Variants in PPP1R9A observed in about 807,000 individuals in gnomAD.
PPP1R9A encodes neurabin-1.
In PPP1R9A, 59 loss-of-function variants were observed where a neutral mutation model predicts 141.9. The observed-to-expected ratio is 0.42, with a 90% CI of 0.34 to 0.52. The LOEUF is 0.52. PPP1R9A is among the 20% of genes least tolerant of loss of function. The probability of loss-of-function intolerance (pLI) is 0.10; values close to 1 mark genes in which losing one functional copy is unlikely to be tolerated. For missense variants in PPP1R9A, 1,444 were observed against 1,611.9 expected, an observed-to-expected ratio of 0.90 and a Z score of 1.78; for synonymous variants, 500 against 569.7, an observed-to-expected ratio of 0.88 and a Z score of 1.74.
At chr7:95,236,134 A>G (rs1272865812) in intron 8 of PPP1R9A, among the ~76,000 whole-genome samples, 1 of 152,148 alleles carries the variant, frequency 6.6e-6, no homozygotes, top group Non-Finnish European at 1.5e-5. Context: ...CCAAAAACCT[A>G]TTATAACAAC....
At chr7:94,922,364 G>T (rs1304067386) in intron 2 of PPP1R9A, among the ~76,000 whole-genome samples, 2 of 151,910 alleles carry the variant, frequency 1.3e-5, no homozygotes, top group Non-Finnish European at 2.9e-5. Context: ...TTGATATATT[G>T]TTGAGATTGA....
intron 5 of PPP1R9A, among the ~76,000 whole-genome samples, chr7:95,162,185 A>G (rs1830556420): frequency 6.6e-6 from 1 of 152,192 alleles, no homozygotes; most frequent in South Asian, 2.1e-4. Flanking sequence ...AAGATACAAA[A>G]ACAAGCACTT....
In PPP1R9A at chr7:95,260,784, T is replaced by C. The variant is rs2153030931; in HGVS notation, c.2666-7766T>C. On this transcript the variant is annotated intron_variant, in intron 12 of 19. Transcript: ENST00000433360. ...TCATTTTAGGAAAAGTGGGCTACTT[T>C]GTTTTGGCTTTTGAATTTTACTTGC... Among the ~76,000 whole-genome samples the C allele has an allele frequency of 3.3e-5, 5 of 152,328 alleles. No individual in the cohort carries two copies. The East Asian group carries it at 9.6e-4, about 29-fold the overall frequency.
intron 2 of PPP1R9A, among the ~76,000 whole-genome samples, chr7:95,022,244 G>A (rs1188756331): frequency 6.6e-6 from 1 of 152,128 alleles, no homozygotes; most frequent in Admixed American, 6.5e-5. Flanking sequence ...TTGTGAATGG[G>A]AGTTCACTCA....
intron 2 of PPP1R9A, among the ~76,000 whole-genome samples, chr7:95,052,251 T>C (rs1234855874): frequency 1.3e-5 from 2 of 152,134 alleles, no homozygotes; most frequent in East Asian, 3.9e-4. Flanking sequence ...AGGAAGATTG[T>C]TTTGCCAAAC....
chr7:95,095,132 A>G (rs1195866491), intron 2 of PPP1R9A, among the ~76,000 whole-genome samples: 1 of 152,150 alleles, frequency 6.6e-6, no homozygotes, highest in Non-Finnish European at 1.5e-5. Flanking sequence ...AGAAGTATGA[A>G]CTGTCTATAC....
chr7:95,076,424 T>A (rs1425818085), intron 2 of PPP1R9A, among the ~76,000 whole-genome samples: 2 of 150,964 alleles, frequency 1.3e-5, no homozygotes, highest in Non-Finnish European at 2.9e-5. Context: ...TTCTCTTCAT[T>A]ATTTTGACAT....
chr7:95,061,541 G>T (rs747447233), intron 2 of PPP1R9A, among the ~76,000 whole-genome samples: 10 of 152,158 alleles, frequency 6.6e-5, no homozygotes, highest in Middle Eastern at 6.8e-3. Context: ...TTTGAGACCA[G>T]GCTGGGCAAC....
At chr7:95,113,968 T>G (rs1385900660) in intron 3 of PPP1R9A, among the ~76,000 whole-genome samples, 1 of 152,236 alleles carries the variant, frequency 6.6e-6, no homozygotes, top group Non-Finnish European at 1.5e-5. Context: ...CACTTTCATT[T>G]GGAGTTAAAG....
At chr7:95,211,914 C>T (rs1402054860) in intron 7 of PPP1R9A, among the ~76,000 whole-genome samples, 1 of 152,064 alleles carries the variant, frequency 6.6e-6, no homozygotes, top group Non-Finnish European at 1.5e-5. Context: ...CACTTGAGCC[C>T]AGGAGTTTGA....
At chr7:95,191,351 A>G (rs560438557) in intron 5 of PPP1R9A, among the ~76,000 whole-genome samples, 1 of 152,344 alleles carries the variant, frequency 6.6e-6, no homozygotes, top group South Asian at 2.1e-4. Context: ...TTTAATTGAC[A>G]TAATGATTGC....
intron 5 of PPP1R9A, among the ~76,000 whole-genome samples, chr7:95,185,378 A>AT (rs147366122): frequency 0.58 from 87,017 of 148,760 alleles, 25,483 homozygotes; most frequent in African/African-American, 0.66. Context: ...TTTTTATGGG[A>AT]TTTTTTTTTT....
chr7:94,907,486 A>G (rs1311759478), upstream of PPP1R9A, among the ~76,000 whole-genome samples: 1 of 152,120 alleles, frequency 6.6e-6, no homozygotes, highest in Non-Finnish European at 1.5e-5. Context: ...GGTCAGCCCC[A>G]GAACCAAGTT....
chr7:95,182,572 C>T lies in PPP1R9A; in HGVS notation c.1755-15777C>T, dbSNP rs1834018260. On this transcript the variant is annotated intron_variant, in intron 5 of 19. Coordinates refer to ENST00000433360, the MANE Select transcript of PPP1R9A (RefSeq NM_001166160.2). Reference sequence around the variant, plus strand: ...TAGTACAAGGGGCAATTGAGAATTTCACTTTTTATTAGAGCTTTTAGTTTT... The same window carrying T: ...TAGTACAAGGGGCAATTGAGAATTTTACTTTTTATTAGAGCTTTTAGTTTT... 2.6e-5 allele frequency among the ~76,000 whole-genome samples: 4 copies of T among 152,212 alleles called. No homozygotes were observed. The South Asian group carries it at 8.3e-4, about 32-fold the overall frequency.
chr7:95,214,895 C>G (rs1422162543), intron 7 of PPP1R9A, among the ~76,000 whole-genome samples: 1 of 151,990 alleles, frequency 6.6e-6, no homozygotes. Context: ...TATGAGTAAT[C>G]TAGAGAAGGA....
intron 2 of PPP1R9A, among the ~76,000 whole-genome samples, chr7:95,000,723 C>T (rs755759097): frequency 2.9e-4 from 44 of 152,130 alleles, no homozygotes; most frequent in Non-Finnish European, 6.0e-4. Flanking sequence ...GTAAATGATG[C>T]AGATAGGCTA....
At chr7:95,036,198 GA>G (rs1808403155) in intron 2 of PPP1R9A, 1 of 152,118 alleles carries the variant, frequency 6.6e-6, no homozygotes, top group South Asian at 2.1e-4. Flanking sequence ...AGACTTAAGA[GA>G]ATTGTAAATA....
chr7:95,084,907 G>T (rs1816397888), intron 2 of PPP1R9A, among the ~76,000 whole-genome samples: 1 of 151,970 alleles, frequency 6.6e-6, no homozygotes, highest in African/African-American at 2.4e-5. Context: ...ATAGGCACAT[G>T]AGCAAGTGTT....
intron 2 of PPP1R9A, among the ~76,000 whole-genome samples, chr7:95,056,755 A>G (rs1811551733): frequency 6.6e-6 from 1 of 152,190 alleles, no homozygotes; most frequent in Non-Finnish European, 1.5e-5. Context: ...TGATCTGTTT[A>G]AATGAAATAT....
Sources: allele counts gnomAD v4.1 joint callset (sites outside exome capture counted in the v4.1 genomes callset), GRCh38; gene constraint gnomAD v4.1.1; transcripts MANE v1.5; gene names NCBI Gene and HGNC (gene_info 2026-07-23, HGNC 2026-07-21).